Variants in ARX observed in about 807,000 individuals in gnomAD.
ARX encodes homeobox protein ARX.
A neutral mutation model predicts 23.1 loss-of-function variants in ARX; 1 was observed. The ratio of observed to expected loss-of-function variants is 0.04; its 90% CI spans 0.02 to 0.21. The LOEUF is 0.21. Ranked by LOEUF, ARX falls within the 10% of genes least tolerant of loss-of-function variation. The pLI is 1.00. For synonymous variants in ARX, 301 were observed against 270.1 expected, an observed-to-expected ratio of 1.11 and a Z score of -1.12; for missense variants, 380 against 527.5, an observed-to-expected ratio of 0.72 and a Z score of 2.74.
chrX:25,014,374 G>A (rs1337667180), intron 1 of ARX, among the ~76,000 whole-genome samples: 1 of 112,493 alleles, frequency 8.9e-6, no homozygotes, highest in Non-Finnish European at 1.9e-5. Flanking sequence ...AAAACTTTGC[G>A]CATGACCTCT....
chrX:25,005,892 C>G (rs1321880672), intron 4 of ARX: 2 of 112,476 alleles, frequency 1.8e-5, no homozygotes, highest in Non-Finnish European at 3.8e-5. Flanking sequence ...CGCGAGCTTT[C>G]CCGACCGCCT....
At position 25,013,606 on chromosome X, in the gene ARX, G is replaced by A. The variant is rs1064795129; in HGVS notation, c.389C>T (p.Pro130Leu). ...GPRGEAPPPPPPTARPGERPD... is the reference protein window; with the variant it reads ...GPRGEAPPPPLPTARPGERPD... ...CCGTTCCCCGGGCCGCGCGGTTGGCGGTGGCGGCGGAGGGGCCTCCCCGCG... is the reference window on the plus strand; with the variant it reads ...CCGTTCCCCGGGCCGCGCGGTTGGCAGTGGCGGCGGAGGGGCCTCCCCGCG... The change falls in exon 2 of 5, where the codon CCG becomes CTG. Residue 130 changes from proline to leucine, a missense_variant. Pro to Leu is a moderately conservative substitution (Grantham distance 98). This residue lies in a region of ARX where 235 missense variants were observed against 270.2 expected (regional missense o/e 0.87). Transcript: ENST00000379044. The A allele has an allele frequency of 9.3e-6, 7 of 752,046 alleles. No individual in the cohort carries two copies. Among genetic ancestry groups the A allele is most frequent in the Non-Finnish European group, 1.1e-5 (7 of 639,141 alleles). 62.0% of individuals were successfully genotyped at this position (752,046 alleles called of 1,213,427 possible). A position where few individuals can be genotyped will look rare whatever the true frequency, so the allele number is the denominator to read the frequency against.
At position 25,010,323 on chromosome X, in the gene ARX, A is replaced by G; in HGVS notation, c.1074-18T>C. On this transcript the variant is annotated intron_variant, in intron 2 of 4. Coordinates refer to ENST00000379044, the MANE Select transcript of ARX (RefSeq NM_139058.3). The stretch of plus-strand genomic sequence containing the variant: ...GTTCCTCCCTATAAGAAAGCAACAC[A>G]CAGACAGGAGGTCACTGCAGGCCCC... 2 of 1,209,784 alleles carry G rather than the reference A, an allele frequency of 1.7e-6. No individual in the cohort carries two copies. Among genetic ancestry groups the G allele is most frequent in the Middle Eastern group, 2.3e-4 (1 of 4,349 alleles).
intron 1 of ARX, among the ~76,000 whole-genome samples, chrX:25,014,669 G>A (rs1273893323): frequency 1.8e-5 from 2 of 113,237 alleles, no homozygotes; most frequent in African/African-American, 6.4e-5. Context: ...AGGTGCCACT[G>A]CAGGCTAAAA....
At chrX:25,006,249 T>C (rs1601946196) in intron 4 of ARX, among the ~76,000 whole-genome samples, 1 of 112,757 alleles carries the variant, frequency 8.9e-6, no homozygotes, top group African/African-American at 3.2e-5. Flanking sequence ...TCTGCTTCAG[T>C]GCGCTCGCTG....
rs754957450 is a variant in ARX, at chrX:25,015,897, C to T, written c.-160G>A. 1.2e-5 allele frequency: 7 copies of T among 601,459 alleles called. No individual in the cohort carries two copies. The highest frequency in any genetic ancestry group is 2.7e-6 in the Non-Finnish European group (1 of 377,189). The allele number at this position is 601,459 out of a possible 1,213,427, so 49.6% of individuals were successfully genotyped here. ...TCTGCCTCCCTTGGTTGCCGGCTGC[C>T]GGCTCCCGCCCTGCCCGCGGCCCGA... On this transcript the variant is annotated 5_prime_UTR_variant, in exon 1 of 5. Transcript: ENST00000379044.
rs769619987 is a variant in ARX, at chrX:25,015,920, C to G, written c.-183G>C. The G allele has an allele frequency of 1.6e-3, 796 of 493,642 alleles. 1 individual carries two copies. Among genetic ancestry groups the G allele is most frequent in the Non-Finnish European group, 1.5e-3 (442 of 286,874 alleles). The allele number at this position is 493,642 out of a possible 1,213,427, so 40.7% of individuals were successfully genotyped here. A position where few individuals can be genotyped will look rare whatever the true frequency, so the allele number is the denominator to read the frequency against. On this transcript the variant is annotated 5_prime_UTR_variant, in exon 1 of 5. Coordinates refer to ENST00000379044, the MANE Select transcript of ARX (RefSeq NM_139058.3). ...GCCGGCTCCCGCCCTGCCCGCGGCC[C>G]GAGCTCGCCCTCTCCGCGCTCAGGA...
At position 25,013,695 on chromosome X, in the gene ARX, C is replaced by G; in HGVS notation, c.300G>C (p.Ala100=). The G allele has an allele frequency of 1.1e-6, 1 of 890,726 alleles. No homozygotes were observed. Among genetic ancestry groups the G allele is most frequent in the Non-Finnish European group, 1.4e-6 (1 of 727,675 alleles). 73.4% of individuals were successfully genotyped at this position (890,726 alleles called of 1,213,427 possible). A position where few individuals can be genotyped will look rare whatever the true frequency, so the allele number is the denominator to read the frequency against. Residue 100 remains alanine, a synonymous_variant, in exon 2 of 5, where the codon GCG becomes GCC. Transcript: ENST00000379044. The part of the protein sequence containing the change: ...GPGGGRLLQG[A]AAAAAAAAAA... ...CCGCCGCCGCCGCCGCCGCCGCTGCCGCACCCTGAAGGAGGCGGCCCCCGC... is the reference window on the plus strand; with the variant it reads ...CCGCCGCCGCCGCCGCCGCCGCTGCGGCACCCTGAAGGAGGCGGCCCCCGC...
At chrX:25,007,032 C>T (rs1421749704) in intron 4 of ARX, 79 bp downstream of exon 4, 9 of 1,086,594 alleles carry the variant, frequency 8.3e-6, no homozygotes, top group African/African-American at 1.9e-5. Flanking sequence ...CCCTGTTTGA[C>T]TCCTGCCTCC....
chrX:25,010,176 AC>A (rs762866252), intron 3 of ARX, 83 bp downstream of exon 3: 77 of 277,367 alleles, frequency 2.8e-4, no homozygotes, highest in African/African-American at 2.6e-3. Context: ...CACCCCCCGC[AC>A]CCCCCCGCCA....
Position 25,007,197 on chromosome X carries a change from CGGCAGG to C in ARX, c.1356_1361del (p.Ser452_Pro454delinsArg). On this transcript the variant is annotated inframe_deletion, in exon 4 of 5. Coordinates refer to ENST00000379044, the MANE Select transcript of ARX (RefSeq NM_139058.3). The stretch of plus-strand genomic sequence containing the variant: ...TCAGGCCCAGCGGCGCCCCGCTGGG[CGGCAGG>C]CTGGCCGAGCCCGGAGGCGGAGGTA... 1 of 1,180,425 alleles carries C rather than the reference CGGCAGG, an allele frequency of 8.5e-7. No homozygotes were observed. Among genetic ancestry groups the C allele is most frequent in the Non-Finnish European group, 1.1e-6 (1 of 881,290 alleles).
intron 4 of ARX, 90 bp from the exon 5 acceptor site, chrX:25,005,000 C>A: frequency 9.6e-7 from 1 of 1,037,956 alleles, no homozygotes; most frequent in Non-Finnish European, 1.2e-6. Context: ...GCCGGGGCAG[C>A]TGAGGGGCGC....
At chrX:25,014,705 T>C (rs1023704156) in intron 1 of ARX, among the ~76,000 whole-genome samples, 1 of 112,675 alleles carries the variant, frequency 8.9e-6, no homozygotes, top group Non-Finnish European at 1.9e-5. Flanking sequence ...GTCAGTTTTA[T>C]TTAAATGCCC....
Position 25,013,536 on chromosome X carries a change from GGCGGCCGCGGCCGCGGCTGCC to G in ARX, c.438_458del (p.Ala149_Ala155del), listed in dbSNP as rs2048712160. The G allele has an allele frequency of 2.5e-6, 2 of 813,868 alleles. No individual in the cohort carries two copies. Among genetic ancestry groups the G allele is most frequent in the East Asian group, 1.0e-4 (1 of 9,783 alleles). 67.1% of individuals were successfully genotyped at this position (813,868 alleles called of 1,213,427 possible). On this transcript the variant is annotated inframe_deletion, in exon 2 of 5. Coordinates refer to ENST00000379044, the MANE Select transcript of ARX (RefSeq NM_139058.3). ...TGATCTTGAGCGTGTCCCAGGCCGC[GGCGGCCGCGGCCGCGGCTGCC>G]GCGGCGGCCCCTGCGCCGTCCGGCC...
intron 3 of ARX, among the ~76,000 whole-genome samples, chrX:25,010,050 C>T (rs982133001): frequency 3.6e-5 from 4 of 111,377 alleles, no homozygotes; most frequent in Non-Finnish European, 7.5e-5. Context: ...GCTCCCAAAC[C>T]CAGAAACCTC....
rs1032889048 is a variant in ARX at position 25,004,501 on chromosome X, G to A, written c.*169C>T. 1.1e-6 allele frequency: 1 copy of A among 906,442 alleles called. No individual in the cohort carries two copies. Among genetic ancestry groups the A allele is most frequent in the East Asian group, 3.6e-5 (1 of 27,845 alleles). The allele number at this position is 906,442 out of a possible 1,213,427, so 74.7% of individuals were successfully genotyped here. ...GCCAGCCGAGGAGGTGCCACGTCCC[G>A]GAGCGCCGAGGGCTGCCATGCCCGC... On this transcript the variant is annotated 3_prime_UTR_variant, in exon 5 of 5. Transcript: ENST00000379044.
rs1172786679 is a variant in ARX at position 25,013,064 on chromosome X, C to T, written c.931G>A (p.Val311Met). Residue 311 changes from valine (V) to methionine (M), a missense_variant, in exon 2 of 5, where the codon GTG becomes ATG. Physicochemically the swap from Val to Met is conservative, Grantham distance 21. Transcript: ENST00000379044. Reference protein sequence around the residue: ...DAEGKDGEDSVCLSAGSDSEE... With the variant: ...DAEGKDGEDSMCLSAGSDSEE... ...GAGTCGCTGCCCGCAGAGAGGCACACGCTGTCCTCGCCGTCCTTGCCCTCA... is the reference window on the plus strand; with the variant it reads ...GAGTCGCTGCCCGCAGAGAGGCACATGCTGTCCTCGCCGTCCTTGCCCTCA... The T allele has an allele frequency of 5.0e-6, 6 of 1,200,664 alleles. No homozygotes were observed. Among genetic ancestry groups the T allele is most frequent in the Admixed American group, 2.2e-5 (1 of 45,032 alleles).
chrX:25,012,874 C>T, intron 2 of ARX, 48 bp downstream of exon 2: 2 of 1,182,076 alleles, frequency 1.7e-6, no homozygotes, highest in Non-Finnish European at 2.3e-6. Flanking sequence ...TCCCTGGGGC[C>T]CGCGTGCGCT....
At chrX:25,008,375 T>G (rs1205706605) in intron 3 of ARX, among the ~76,000 whole-genome samples, 3 of 112,926 alleles carry the variant, frequency 2.7e-5, no homozygotes, top group Non-Finnish European at 3.7e-5. Context: ...TATTTCCTTT[T>G]GGAGATGTGT....
Sources: allele counts gnomAD v4.1 joint callset (sites outside exome capture counted in the v4.1 genomes callset), GRCh38; gene constraint gnomAD v4.1.1; regional missense constraint gnomAD v4.1.1; transcripts MANE v1.5; gene names NCBI Gene and HGNC (gene_info 2026-07-23, HGNC 2026-07-21).